Variants in SCFD2 observed in about 807,000 individuals in gnomAD.
SCFD2 encodes sec1 family domain containing 2.
In SCFD2, 54 loss-of-function variants were observed where a neutral mutation model predicts 58.9. The ratio of observed to expected loss-of-function variants is 0.92; its 90% CI spans 0.74 to 1.15. The LOEUF (loss-of-function observed/expected upper bound fraction) is 1.15, where lower values mean the gene tolerates loss of function less well. SCFD2 is among the 50% of genes most tolerant of loss of function. SCFD2 has a pLI of 0.00. For missense variants in SCFD2, 805 were observed against 836.6 expected, an observed-to-expected ratio of 0.96 and a Z score of 0.47; for synonymous variants, 321 against 335.9, an observed-to-expected ratio of 0.96 and a Z score of 0.49.
At chr4:53,062,513 T>G (rs1723544286) in intron 5 of SCFD2, among the ~76,000 whole-genome samples, 1 of 152,182 alleles carries the variant, frequency 6.6e-6, no homozygotes, top group South Asian at 2.1e-4. Flanking sequence ...TCTGTTCAAA[T>G]GCAAATTCTA....
intron 5 of SCFD2, among the ~76,000 whole-genome samples, chr4:53,069,082 T>C (rs1443608385): frequency 2.6e-5 from 4 of 152,052 alleles, no homozygotes; most frequent in Admixed American, 1.3e-4. Flanking sequence ...ATTCTCAGTA[T>C]GCACAGAGAG....
At chr4:53,054,023 TAA>T (rs201827925) in intron 5 of SCFD2, among the ~76,000 whole-genome samples, 1,749 of 152,244 alleles carry the variant, frequency 0.011, 18 homozygotes, top group Middle Eastern at 0.034. Context: ...TCTGAAACAC[TAA>T]GTCTTATTTC....
chr4:53,340,083 G>A (rs200978761), intron 2 of SCFD2, among the ~76,000 whole-genome samples: 14 of 152,234 alleles, frequency 9.2e-5, no homozygotes, highest in Admixed American at 3.3e-4. Flanking sequence ...CTGAGGTACC[G>A]GGTTCATCTC....
chr4:52,999,951 C>T (rs1174159018), intron 5 of SCFD2, among the ~76,000 whole-genome samples: 1 of 152,218 alleles, frequency 6.6e-6, no homozygotes, highest in Non-Finnish European at 1.5e-5. Context: ...CTCTGGTTGG[C>T]ATTTCTCCTG....
intron 5 of SCFD2, among the ~76,000 whole-genome samples, chr4:53,015,461 G>A (rs368874440): frequency 4.6e-5 from 7 of 152,162 alleles, no homozygotes; most frequent in East Asian, 3.9e-4. Context: ...AAAACAAAAC[G>A]AACCTTTGGA....
At chr4:52,889,530 T>C (rs1030984999) in intron 7 of SCFD2, among the ~76,000 whole-genome samples, 2 of 152,242 alleles carry the variant, frequency 1.3e-5, no homozygotes, top group Non-Finnish European at 2.9e-5. Flanking sequence ...ACAACTTGGC[T>C]CTGGTTTATG....
At chr4:53,211,298 C>G (rs1728605190) in intron 4 of SCFD2, among the ~76,000 whole-genome samples, 2 of 152,080 alleles carry the variant, frequency 1.3e-5, no homozygotes, top group African/African-American at 4.8e-5. Context: ...ATAGCTGAAC[C>G]CTTGGAGGTT....
intron 4 of SCFD2, among the ~76,000 whole-genome samples, chr4:53,190,598 T>C (rs1408644363): frequency 1.3e-5 from 2 of 152,208 alleles, no homozygotes; most frequent in Non-Finnish European, 2.9e-5. Context: ...TACTTTCTAA[T>C]ATATGATTCA....
intron 5 of SCFD2, among the ~76,000 whole-genome samples, chr4:53,082,963 A>T (rs1048346402): frequency 1.5e-4 from 10 of 67,002 alleles, no homozygotes; most frequent in Middle Eastern, 7.7e-3. Context: ...CCATTATAAT[A>T]AATATCTGTC....
chr4:53,256,814 A>G (rs1016481926), intron 4 of SCFD2, among the ~76,000 whole-genome samples: 2 of 149,674 alleles, frequency 1.3e-5, no homozygotes, highest in African/African-American at 2.5e-5. Flanking sequence ...AGATGGCAGC[A>G]GTACAGTCCA....
intron 5 of SCFD2, among the ~76,000 whole-genome samples, chr4:53,061,880 A>G (rs1723522906): frequency 6.6e-6 from 1 of 152,094 alleles, no homozygotes; most frequent in South Asian, 2.1e-4. Context: ...CTAGGACACA[A>G]ACTGGTGCAA....
At chr4:53,252,758 A>C (rs1034509607) in intron 4 of SCFD2, among the ~76,000 whole-genome samples, 2 of 152,184 alleles carry the variant, frequency 1.3e-5, no homozygotes, top group Non-Finnish European at 2.9e-5. Context: ...TAAAGACTTA[A>C]ACATTAGACC....
chr4:53,263,747 C>T (rs568032759), intron 4 of SCFD2, among the ~76,000 whole-genome samples: 38 of 152,282 alleles, frequency 2.5e-4, no homozygotes, highest in Non-Finnish European at 3.7e-4. Context: ...CAGGAGGTGG[C>T]GCTTTCAAGA....
chr4:53,131,205 T>C (rs1725777597), intron 5 of SCFD2, among the ~76,000 whole-genome samples: 1 of 152,214 alleles, frequency 6.6e-6, no homozygotes, highest in African/African-American at 2.4e-5. Flanking sequence ...AATTTATTAC[T>C]GTAATAATAG....
intron 4 of SCFD2, among the ~76,000 whole-genome samples, chr4:53,254,202 C>T (rs986989288): frequency 5.9e-5 from 9 of 152,112 alleles, no homozygotes; most frequent in African/African-American, 7.2e-5. Flanking sequence ...CACCTTGAAT[C>T]GTAATCCCCA....
intron 4 of SCFD2, among the ~76,000 whole-genome samples, chr4:53,256,615 C>A (rs1297026967): frequency 1.3e-5 from 2 of 152,120 alleles, no homozygotes; most frequent in Non-Finnish European, 2.9e-5. Flanking sequence ...GAGACTCCAT[C>A]TGCAATCCCG....
intron 3 of SCFD2, among the ~76,000 whole-genome samples, chr4:53,286,053 C>T (rs960031157): frequency 4.9e-4 from 75 of 152,010 alleles, no homozygotes; most frequent in African/African-American, 1.4e-3. Context: ...TCCCATCATC[C>T]CTGAGGCTCT....
intron 3 of SCFD2, among the ~76,000 whole-genome samples, chr4:53,276,302 T>C (rs1731325540): frequency 6.6e-6 from 1 of 152,102 alleles, no homozygotes; most frequent in South Asian, 2.1e-4. Flanking sequence ...GGGTTCATGC[T>C]TTTTAGGTAC....
intron 4 of SCFD2, among the ~76,000 whole-genome samples, chr4:53,175,095 A>G (rs1727289963): frequency 6.6e-6 from 1 of 152,206 alleles, no homozygotes; most frequent in African/African-American, 2.4e-5. Context: ...AACAATCCCC[A>G]TAGAATTCCA....
Sources: gnomAD v4.1 joint callset for allele counts (sites outside exome capture counted in the v4.1 genomes callset) on GRCh38, gnomAD v4.1.1 for gene constraint, MANE v1.5 for transcripts, NCBI Gene and HGNC (gene_info 2026-07-23, HGNC 2026-07-21) for gene names.